Variants in ARHGAP15 observed in about 807,000 individuals in gnomAD.
The protein encoded by ARHGAP15 is Rho GTPase activating protein 15.
In ARHGAP15, 51 loss-of-function variants were observed where a neutral mutation model predicts 63.7. That is an observed-to-expected ratio of 0.80 (90% CI 0.64 to 1.01). The LOEUF is 1.01. Among genes scored for constraint, ARHGAP15 ranks in the 50% least tolerant of loss-of-function variants. The probability of loss-of-function intolerance (pLI) is 0.00; values close to 1 mark genes in which losing one functional copy is unlikely to be tolerated. For synonymous variants in ARHGAP15, 191 were observed against 193.8 expected, an observed-to-expected ratio of 0.99 and a Z score of 0.12; for missense variants, 560 against 564.6, an observed-to-expected ratio of 0.99 and a Z score of 0.08.
At chr2:143,508,526 G>T (rs1291171219) in intron 9 of ARHGAP15, among the ~76,000 whole-genome samples, 1 of 152,212 alleles carries the variant, frequency 6.6e-6, no homozygotes. Flanking sequence ...CTCATAGATG[G>T]TTAGATTCAA....
chr2:143,549,442 A>C (rs546041875), intron 10 of ARHGAP15, among the ~76,000 whole-genome samples: 3 of 152,324 alleles, frequency 2.0e-5, no homozygotes, highest in Non-Finnish European at 4.4e-5. Context: ...GAGAAACACC[A>C]TTCCCAGACA....
intron 6 of ARHGAP15, among the ~76,000 whole-genome samples, chr2:143,284,042 C>A (rs1286550642): frequency 6.6e-6 from 1 of 152,146 alleles, no homozygotes; most frequent in Non-Finnish European, 1.5e-5. Context: ...AATAAACAAG[C>A]TGAATTCTCC....
At chr2:143,416,411 C>A (rs1489607471) in intron 6 of ARHGAP15, among the ~76,000 whole-genome samples, 1 of 152,126 alleles carries the variant, frequency 6.6e-6, no homozygotes, top group East Asian at 1.9e-4. Flanking sequence ...CATAAAGAGG[C>A]AAAATTAGAG....
Position 143,609,728 on chromosome 2 carries a change from G to A in ARHGAP15, c.1004-14405G>A, listed in dbSNP as rs548035417. On this transcript the variant is annotated intron_variant, in intron 11 of 13. Coordinates refer to ENST00000295095, the MANE Select transcript of ARHGAP15 (RefSeq NM_018460.4). ...TTCTCCACTCTTCACTACCCTGTTCGGTACCCAGGATCTGTATGCACTCGC... is the reference window on the plus strand; with the variant it reads ...TTCTCCACTCTTCACTACCCTGTTCAGTACCCAGGATCTGTATGCACTCGC... 5.9e-5 allele frequency among the ~76,000 whole-genome samples: 9 copies of A among 152,062 alleles called. No homozygotes were observed. The South Asian group carries it at 6.2e-4, about 11-fold the overall frequency.
intron 10 of ARHGAP15, among the ~76,000 whole-genome samples, chr2:143,545,720 A>T (rs982021692): frequency 2.0e-5 from 3 of 152,104 alleles, no homozygotes; most frequent in African/African-American, 7.2e-5. Flanking sequence ...AAAGGTTTTA[A>T]GTATATAATT....
intron 5 of ARHGAP15, among the ~76,000 whole-genome samples, chr2:143,244,274 G>C (rs1693965021): frequency 6.8e-6 from 1 of 146,032 alleles, no homozygotes; most frequent in African/African-American, 2.6e-5. Flanking sequence ...TGGATAGCTA[G>C]GGGAAAAAAA....
intron 10 of ARHGAP15, among the ~76,000 whole-genome samples, chr2:143,537,248 C>G (rs377276014): frequency 9.2e-5 from 14 of 152,082 alleles, no homozygotes; most frequent in South Asian, 2.1e-4. Flanking sequence ...TTGTAAATTT[C>G]TTTGAGTTCA....
chr2:143,355,077 T>C (rs1048404671), intron 6 of ARHGAP15, among the ~76,000 whole-genome samples: 6 of 152,200 alleles, frequency 3.9e-5, no homozygotes, highest in Admixed American at 2.0e-4. Flanking sequence ...TTTTAACAAC[T>C]CAAAGGTACC....
At chr2:143,164,380 A>G (rs2105029505) in intron 2 of ARHGAP15, among the ~76,000 whole-genome samples, 1 of 152,188 alleles carries the variant, frequency 6.6e-6, no homozygotes, top group African/African-American at 2.4e-5. Flanking sequence ...GCAAATGTAC[A>G]GCAATGTGGC....
intron 8 of ARHGAP15, among the ~76,000 whole-genome samples, chr2:143,456,772 CTTTAAGT>C (rs1690675219): frequency 6.6e-6 from 1 of 151,620 alleles, no homozygotes; most frequent in Admixed American, 6.6e-5. Flanking sequence ...TGTAACTTGC[CTTTAAGT>C]TTTATTTGTT....
intron 6 of ARHGAP15, among the ~76,000 whole-genome samples, chr2:143,409,417 G>C (rs755637665): frequency 6.6e-6 from 1 of 151,838 alleles, no homozygotes; most frequent in East Asian, 1.9e-4. Context: ...TGTTAATTCC[G>C]CAAGGGAATA....
chr2:143,338,135 T>C (rs977090216), intron 6 of ARHGAP15, among the ~76,000 whole-genome samples: 2 of 152,200 alleles, frequency 1.3e-5, no homozygotes, highest in Non-Finnish European at 2.9e-5. Context: ...GCTATTATTA[T>C]TCTTTGAGAG....
chr2:143,541,491 T>C (rs1320729581), intron 10 of ARHGAP15, among the ~76,000 whole-genome samples: 4 of 152,318 alleles, frequency 2.6e-5, no homozygotes, highest in Non-Finnish European at 4.4e-5. Flanking sequence ...CTCTGTTTTT[T>C]CCCCATCTTT....
At chr2:143,300,049 TAAATG>T (rs1327020977) in intron 6 of ARHGAP15, among the ~76,000 whole-genome samples, 1 of 152,034 alleles carries the variant, frequency 6.6e-6, no homozygotes, top group Non-Finnish European at 1.5e-5. Context: ...TAACATTTGA[TAAATG>T]AAATATCTGG....
chr2:143,594,035 G>A (rs147115174), intron 11 of ARHGAP15, among the ~76,000 whole-genome samples: 1,680 of 152,178 alleles, frequency 0.011, 29 homozygotes, highest in African/African-American at 0.038. Flanking sequence ...AGCAAATTAT[G>A]AAGTCACAAG....
intron 11 of ARHGAP15, among the ~76,000 whole-genome samples, chr2:143,592,527 G>A (rs1697360059): frequency 6.6e-6 from 1 of 152,154 alleles, no homozygotes; most frequent in Admixed American, 6.5e-5. Flanking sequence ...AAAGAGAATT[G>A]GAGAGTGGAG....
chr2:143,172,721 G>C (rs1262047511), intron 2 of ARHGAP15, among the ~76,000 whole-genome samples: 1 of 152,082 alleles, frequency 6.6e-6, no homozygotes, highest in Non-Finnish European at 1.5e-5. Flanking sequence ...CAGGGATCTG[G>C]TGAGGTGAGA....
At chr2:143,335,710 GTC>G (rs1684742871) in intron 6 of ARHGAP15, among the ~76,000 whole-genome samples, 1 of 152,174 alleles carries the variant, frequency 6.6e-6, no homozygotes, top group East Asian at 1.9e-4. Context: ...AAAAAAGCAA[GTC>G]TCTCAGTGTT....
intron 6 of ARHGAP15, among the ~76,000 whole-genome samples, chr2:143,322,491 A>G (rs1684069040): frequency 6.6e-6 from 1 of 152,226 alleles, no homozygotes; most frequent in East Asian, 1.9e-4. Context: ...AAATGCCATG[A>G]TGGATTTCCT....
Sources: allele counts gnomAD v4.1 joint callset (sites outside exome capture counted in the v4.1 genomes callset), GRCh38; gene constraint gnomAD v4.1.1; transcripts MANE v1.5; gene names NCBI Gene and HGNC (gene_info 2026-07-23, HGNC 2026-07-21).